The following TMEM63C variants were observed in gnomAD, a reference collection of about 807,000 sequenced individuals.
TMEM63C encodes the protein transmembrane protein 63C.
A neutral mutation model predicts 99.2 loss-of-function variants in TMEM63C; 32 were observed. That is an observed-to-expected ratio of 0.32 (90% CI 0.24 to 0.43). TMEM63C has a LOEUF of 0.43. TMEM63C is among the 20% of genes least tolerant of loss of function. The probability of loss-of-function intolerance (pLI) is 1.00; values close to 1 mark genes in which losing one functional copy is unlikely to be tolerated. For synonymous variants in TMEM63C, 376 were observed against 397.9 expected (o/e 0.94, Z 0.66); for missense variants, 826 against 1,053.0 (o/e 0.78, Z 2.98).
chr14:77,191,196 T>C (rs2140090117), intron 1 of TMEM63C, among the ~76,000 whole-genome samples: 1 of 152,340 alleles, frequency 6.6e-6, no homozygotes, highest in Non-Finnish European at 1.5e-5. Context: ...ACTTCATTCT[T>C]GATTCCCTGG....
At chr14:77,248,734 C>T (rs1352225200) in intron 19 of TMEM63C, 33 bp from the exon 20 acceptor site, 2 of 1,595,562 alleles carry the variant, frequency 1.3e-6, no homozygotes, top group Non-Finnish European at 1.7e-6. Context: ...GGGGACTGGG[C>T]CACCTCAGGG....
At chr14:77,214,643 C>T (rs1397692692) in intron 2 of TMEM63C, among the ~76,000 whole-genome samples, 2 of 151,908 alleles carry the variant, frequency 1.3e-5, no homozygotes, top group African/African-American at 4.8e-5. Flanking sequence ...AAGGAGTCCC[C>T]CAGGCCACTC....
chr14:77,204,176 T>C (rs1358534351), intron 1 of TMEM63C, among the ~76,000 whole-genome samples: 1 of 152,232 alleles, frequency 6.6e-6, no homozygotes, highest in Non-Finnish European at 1.5e-5. Flanking sequence ...AGGGTCAAAC[T>C]GGATCCCTCA....
rs151249044 is a variant in TMEM63C, at chr14:77,218,760, G to A, written c.-13-41G>A. 60 of 1,600,122 alleles carry A rather than the reference G, an allele frequency of 3.7e-5. No homozygotes were observed. In the African/African-American group the frequency reaches 6.6e-4, roughly 18 times the overall value. ...GGCTTCTGTGTTTTGCAAAATGCAA[G>A]GGAGTCTTTGCATCTGACCTGGATG... On this transcript the variant is annotated intron_variant, in intron 2 of 23. Coordinates refer to ENST00000298351, the MANE Select transcript of TMEM63C (RefSeq NM_020431.4).
intron 1 of TMEM63C, among the ~76,000 whole-genome samples, chr14:77,182,375 G>A (rs1887928814): frequency 6.6e-6 from 1 of 152,188 alleles, no homozygotes; most frequent in South Asian, 2.1e-4. Context: ...TGCCTGGCGG[G>A]CTGGGCTCCT....
chr14:77,248,210 G>T lies in TMEM63C; in HGVS notation c.1602-137G>T, dbSNP rs541975467. 358 of 737,004 alleles carry T rather than the reference G, an allele frequency of 4.9e-4. 1 individual carries two copies. Among genetic ancestry groups the T allele is most frequent in the Non-Finnish European group, 2.9e-4 (134 of 454,322 alleles). The allele number at this position is 737,004 out of a possible 1,614,324, so 45.7% of individuals were successfully genotyped here. ...ACAGAGAAAAAGAAAGAGAGGAAAT[G>T]TTATTCTCCTTGTCTGTATCTGTAT... is the stretch of plus-strand genomic sequence containing the variant. On this transcript the variant is annotated intron_variant, in intron 18 of 23. Coordinates refer to ENST00000298351, the MANE Select transcript of TMEM63C (RefSeq NM_020431.4).
chr14:77,197,825 G>A (rs1242120869), intron 1 of TMEM63C, among the ~76,000 whole-genome samples: 1 of 152,244 alleles, frequency 6.6e-6, no homozygotes, highest in African/African-American at 2.4e-5. Context: ...AATCAGTAAT[G>A]TTTGTTGGGA....
At position 77,259,279 on chromosome 14, in the gene TMEM63C, C is replaced by G. The variant is rs893019991; in HGVS notation, c.*2553C>G. 6.6e-6 allele frequency: 1 copy of G among 152,506 alleles called. No homozygotes were observed. The highest frequency in any genetic ancestry group is 1.5e-5 in the Non-Finnish European group (1 of 68,264). 9.4% of individuals were successfully genotyped at this position (152,506 alleles called of 1,614,324 possible). A position where few individuals can be genotyped will look rare whatever the true frequency, so the allele number is the denominator to read the frequency against. ...CCTAGAGCCTCCAGGAGGGGCCCTC[C>G]TCAGGCCTCCAGTGGCCCCATGCCC... On this transcript the variant is annotated 3_prime_UTR_variant, in exon 24 of 24. Coordinates refer to ENST00000298351, the MANE Select transcript of TMEM63C (RefSeq NM_020431.4).
chr14:77,202,248 A>C (rs1008968162), intron 1 of TMEM63C, among the ~76,000 whole-genome samples: 3 of 150,588 alleles, frequency 2.0e-5, no homozygotes, highest in African/African-American at 7.3e-5. Flanking sequence ...TCACAAACAC[A>C]TTCCTAAGCA....
intron 21 of TMEM63C, 77 bp from the exon 22 acceptor site, chr14:77,251,712 G>A (rs1390845024): frequency 5.5e-5 from 65 of 1,180,396 alleles, no homozygotes; most frequent in South Asian, 4.1e-4. Flanking sequence ...GTGCTGTGAC[G>A]GTCCCTGGCA....
intron 1 of TMEM63C, among the ~76,000 whole-genome samples, chr14:77,183,300 G>A (rs1042509209): frequency 4.6e-5 from 7 of 152,206 alleles, no homozygotes; most frequent in African/African-American, 9.7e-5. Flanking sequence ...CAGTCCCAGC[G>A]CTGAGAAGCT....
rs538834484 is a variant in TMEM63C at position 77,233,248 on chromosome 14, G to A, written c.494-204G>A. 5.9e-5 allele frequency among the ~76,000 whole-genome samples: 9 copies of A among 152,226 alleles called. No homozygotes were observed. The South Asian group carries it at 1.0e-3, about 18-fold the overall frequency. On this transcript the variant is annotated intron_variant, in intron 7 of 23. Transcript: ENST00000298351. ...AAAGAAGTGTTCTCGCTTTCCTCCC[G>A]AGAGCCCCAGTCAGCAGTGCCAGGG...
intron 23 of TMEM63C, 29 bp downstream of exon 23, chr14:77,253,405 G>GT: frequency 6.3e-7 from 1 of 1,584,432 alleles, no homozygotes; most frequent in Non-Finnish European, 8.6e-7. Flanking sequence ...GGACAGGTTG[G>GT]GAGGGTGGTG....
At chr14:77,182,362 T>G (rs1320963795) in intron 1 of TMEM63C, among the ~76,000 whole-genome samples, 4 of 152,210 alleles carry the variant, frequency 2.6e-5, no homozygotes, top group African/African-American at 9.6e-5. Flanking sequence ...ACTGCTGCGC[T>G]GCTGCCTGGC....
intron 1 of TMEM63C, among the ~76,000 whole-genome samples, chr14:77,188,626 T>G (rs1040385511): frequency 6.6e-6 from 1 of 152,134 alleles, no homozygotes; most frequent in Non-Finnish European, 1.5e-5. Context: ...CCCAGCACTT[T>G]GGAGGCCCAG....
Position 77,239,657 on chromosome 14 carries a change from G to A in TMEM63C, c.861G>A (p.Gly287=). ...ATACAGCCAAGGCCAAGAAGACTGGGAAGGTGATGATCAGGATCCACCCCT... is the reference window on the plus strand; with the variant it reads ...ATACAGCCAAGGCCAAGAAGACTGGAAAGGTGATGATCAGGATCCACCCCT... The part of the protein sequence containing the change: ...LFYTAKAKKT[G]KVMIRIHPCA... Residue 287 remains glycine (G), a synonymous_variant, in exon 12 of 24, where the codon GGG becomes GGA. Coordinates refer to ENST00000298351, the MANE Select transcript of TMEM63C (RefSeq NM_020431.4). The A allele has an allele frequency of 6.2e-7, 1 of 1,613,246 alleles. No homozygotes were observed. The highest frequency in any genetic ancestry group is 8.5e-7 in the Non-Finnish European group (1 of 1,179,612).
chr14:77,227,628 G>A (rs1888852470), intron 6 of TMEM63C, among the ~76,000 whole-genome samples: 3 of 152,336 alleles, frequency 2.0e-5, no homozygotes, highest in South Asian at 2.1e-4. Flanking sequence ...CCAAGGGAGT[G>A]CCTCATCGAG....
chr14:77,249,244 C>T (rs759021862), intron 20 of TMEM63C, 47 bp from the exon 21 acceptor site: 13 of 1,600,538 alleles, frequency 8.1e-6, no homozygotes, highest in Non-Finnish European at 1.0e-5. Flanking sequence ...CCACAAAGGT[C>T]CAGACTTGAA....
At chr14:77,239,883 C>T (rs1889134719) in intron 12 of TMEM63C, among the ~76,000 whole-genome samples, 157 bp downstream of exon 12, 2 of 152,186 alleles carry the variant, frequency 1.3e-5, no homozygotes, top group Admixed American at 1.3e-4. Flanking sequence ...CCATGTCCTG[C>T]CTCCCTGTTG....
Sources: gnomAD v4.1 joint callset for allele counts (sites outside exome capture counted in the v4.1 genomes callset) on GRCh38, gnomAD v4.1.1 for gene constraint, MANE v1.5 for transcripts, NCBI Gene and HGNC (gene_info 2026-07-23, HGNC 2026-07-21) for gene names.